The following SDK2 variants were observed in gnomAD, a reference collection of about 807,000 sequenced individuals.
The protein encoded by SDK2 is sidekick cell adhesion molecule 2, also known as protein sidekick-2.
SDK2 carries 105 observed loss-of-function variants against 253.9 expected under a neutral mutation model. The ratio of observed to expected loss-of-function variants is 0.41; its 90% CI spans 0.35 to 0.49. The LOEUF (loss-of-function observed/expected upper bound fraction) is 0.49. Ranked by LOEUF, SDK2 falls within the 20% of genes least tolerant of loss-of-function variation. The pLI, the probability that SDK2 is intolerant of heterozygous loss-of-function variation, is 0.06. For missense variants in SDK2, 2,608 were observed against 3,003.0 expected (o/e 0.87, Z 3.07); for synonymous variants, 1,249 against 1,234.9 (o/e 1.01, Z -0.24).
chr17:73,369,021 A>G (rs2062711574), intron 36 of SDK2: 1 of 344,888 alleles, frequency 2.9e-6, no homozygotes, highest in Non-Finnish European at 6.0e-6. Flanking sequence ...CAAAAAAAAA[A>G]AAAAAGAATT....
intron 1 of SDK2, among the ~76,000 whole-genome samples, chr17:73,532,616 C>T (rs1400226875): frequency 6.6e-6 from 1 of 152,170 alleles, no homozygotes; most frequent in Non-Finnish European, 1.5e-5. Flanking sequence ...ATGAAATCGC[C>T]CTTCTTATCA....
chr17:73,414,649 A>T lies in SDK2; in HGVS notation c.2479T>A (p.Tyr827Asn), dbSNP rs2145567928. The T allele has an allele frequency of 6.2e-7, 1 of 1,613,080 alleles. No homozygotes were observed. The highest frequency in any genetic ancestry group is 1.1e-5 in the South Asian group (1 of 91,052). ...TGAGGAGATGCCTCATGTACCTTGT[A>T]GCCCTGGTTGATGCCGTTGATGAAC... ...PQFINGINQG[Y>N]KLIAWEPEQE... is the part of the protein sequence containing the mutation. Residue 827 changes from tyrosine to asparagine, a missense_variant, in exon 18 of 45, where the codon TAC becomes AAC. This residue lies in a region of SDK2 where 1,505 missense variants were observed against 1,859.1 expected (regional missense o/e 0.81). Transcript: ENST00000392650.
At chr17:73,504,784 C>T (rs955023441) in intron 2 of SDK2, among the ~76,000 whole-genome samples, 2 of 151,994 alleles carry the variant, frequency 1.3e-5, no homozygotes, top group East Asian at 1.9e-4. Flanking sequence ...GGACAAAGTC[C>T]GAGAAGAGGG....
At chr17:73,482,809 G>A (rs1302582147) in intron 2 of SDK2, among the ~76,000 whole-genome samples, 1 of 152,232 alleles carries the variant, frequency 6.6e-6, no homozygotes, top group Non-Finnish European at 1.5e-5. Flanking sequence ...ACTCCTCCTG[G>A]GTGAGCGGGA....
intron 1 of SDK2, among the ~76,000 whole-genome samples, chr17:73,522,160 A>G (rs1042943339): frequency 6.6e-6 from 1 of 152,200 alleles, no homozygotes; most frequent in African/African-American, 2.4e-5. Context: ...TCAAAGACCA[A>G]CCCAGAGTGT....
intron 44 of SDK2, among the ~76,000 whole-genome samples, chr17:73,342,590 T>A (rs1234695152): frequency 6.6e-6 from 1 of 152,184 alleles, no homozygotes; most frequent in Non-Finnish European, 1.5e-5. Flanking sequence ...ACCCACTAAC[T>A]GACTTGAACA....
intron 1 of SDK2, among the ~76,000 whole-genome samples, chr17:73,549,610 C>A (rs1277055505): frequency 6.6e-6 from 1 of 151,900 alleles, no homozygotes; most frequent in Non-Finnish European, 1.5e-5. Context: ...GAGGGAGTGT[C>A]TAAGTCAAGC....
intron 2 of SDK2, among the ~76,000 whole-genome samples, chr17:73,476,750 G>A (rs1236377946): frequency 1.3e-5 from 2 of 152,116 alleles, no homozygotes; most frequent in Non-Finnish European, 2.9e-5. Flanking sequence ...TCCAAGTAGC[G>A]AGGACTATGT....
intron 1 of SDK2, among the ~76,000 whole-genome samples, chr17:73,556,401 GA>G (rs1394336254): frequency 6.6e-6 from 1 of 152,230 alleles, no homozygotes; most frequent in Admixed American, 6.5e-5. Flanking sequence ...ATCCAGATGG[GA>G]AAGAAATACA....
In SDK2 at chr17:73,412,334, C is replaced by T. The variant is rs539309477; in HGVS notation, c.2484+2310G>A. Reference sequence around the variant, plus strand: ...TATATTTTTAGTAGAGATGGGATTTCACCATGTTGGCCAGGCTGGTCTTGA... The same window carrying T: ...TATATTTTTAGTAGAGATGGGATTTTACCATGTTGGCCAGGCTGGTCTTGA... On this transcript the variant is annotated intron_variant, in intron 18 of 44. Coordinates refer to ENST00000392650, the MANE Select transcript of SDK2 (RefSeq NM_001144952.2). Among the ~76,000 whole-genome samples the T allele has an allele frequency of 2.0e-5, 3 of 150,590 alleles. No individual in the cohort carries two copies. The South Asian group carries it at 6.3e-4, about 32-fold the overall frequency.
At chr17:73,398,900 A>C (rs1332160068) in intron 22 of SDK2, among the ~76,000 whole-genome samples, 1 of 152,150 alleles carries the variant, frequency 6.6e-6, no homozygotes, top group African/African-American at 2.4e-5. Context: ...GCCAAGGCGG[A>C]TATTTTTATA....
chr17:73,604,274 G>A (rs1238985902), intron 1 of SDK2, among the ~76,000 whole-genome samples: 1 of 152,240 alleles, frequency 6.6e-6, no homozygotes, highest in Non-Finnish European at 1.5e-5. Flanking sequence ...CGGGCAGGGT[G>A]GAAAAGGCGA....
chr17:73,348,682 C>A lies in SDK2; in HGVS notation c.6082G>T (p.Glu2028Ter). The change falls in exon 44 of 45, where the codon GAG becomes TAG. Residue 2028 changes from glutamate (E) to a stop codon, truncating the protein, a stop_gained. Coordinates refer to ENST00000392650, the MANE Select transcript of SDK2 (RefSeq NM_001144952.2). LOFTEE classifies it high-confidence loss of function. ...AGGTCGTTGTATTTGGTGACATCCT[C>A]ATCCGAGTAGTGCAGGCTGCCTGGG... ...PSPGSLHYSD[E>*]DVTKYNDLIP... The A allele has an allele frequency of 6.2e-7, 1 of 1,611,886 alleles. No homozygotes were observed. The highest frequency in any genetic ancestry group is 1.1e-5 in the South Asian group (1 of 91,050).
At chr17:73,350,956 G>T (rs761403601) in intron 41 of SDK2, among the ~76,000 whole-genome samples, 166 bp from the exon 42 acceptor site, 2 of 152,154 alleles carry the variant, frequency 1.3e-5, no homozygotes, top group African/African-American at 4.8e-5. Context: ...TCAAGTATCC[G>T]CTCTGATCAG....
At chr17:73,393,377 A>G (rs2062944391) in intron 27 of SDK2, among the ~76,000 whole-genome samples, 183 bp downstream of exon 27, 2 of 152,100 alleles carry the variant, frequency 1.3e-5, no homozygotes, top group African/African-American at 4.8e-5. Flanking sequence ...AGGGATACAC[A>G]GGCTGTAATT....
chr17:73,361,844 T>C lies in SDK2; in HGVS notation c.5307A>G (p.Gly1769=), dbSNP rs757761646. 277 of 1,582,320 alleles carry C rather than the reference T, an allele frequency of 1.8e-4. No homozygotes were observed. Among genetic ancestry groups the C allele is most frequent in the Non-Finnish European group, 2.2e-4 (254 of 1,161,632 alleles). ...CGTCCACGGTCACGATCTTGCTGAC[T>C]CCTGGGGGAGGCACAGCAAGTGGGG... ...LVYEPCSPVD[G]VSKIVTVDVK... The change falls in exon 39 of 45, where the codon GGA becomes GGG. Residue 1769 remains glycine (G), a splice_region_variant and synonymous_variant. Coordinates refer to ENST00000392650, the MANE Select transcript of SDK2 (RefSeq NM_001144952.2). The surrounding 1 kb of genome is among the most constrained non-coding windows in gnomAD (Gnocchi z 4.1).
intron 1 of SDK2, among the ~76,000 whole-genome samples, chr17:73,608,654 G>A (rs759215881): frequency 6.6e-6 from 1 of 152,108 alleles, no homozygotes; most frequent in Non-Finnish European, 1.5e-5. Context: ...TGTTGGCCAG[G>A]TTGGTCTTGA....
chr17:73,427,026 A>C (rs947893925), intron 12 of SDK2, among the ~76,000 whole-genome samples: 3 of 152,176 alleles, frequency 2.0e-5, no homozygotes, highest in African/African-American at 7.2e-5. Flanking sequence ...CAGAGCTTGC[A>C]GTGTGCCGAG....
chr17:73,440,953 C>T (rs372623308), intron 5 of SDK2, 30 bp from the exon 6 acceptor site: 116 of 1,480,770 alleles, frequency 7.8e-5, no homozygotes, highest in African/African-American at 2.5e-4. Flanking sequence ...TAGCTGGGGG[C>T]GAGGCTGGAA....
Sources: allele counts gnomAD v4.1 joint callset (sites outside exome capture counted in the v4.1 genomes callset), GRCh38; gene constraint gnomAD v4.1.1; regional missense constraint gnomAD v4.1.1; non-coding constraint Gnocchi (gnomAD v3.1); transcripts MANE v1.5; gene names NCBI Gene and HGNC (gene_info 2026-07-23, HGNC 2026-07-21).